Variants in TRAPPC9 observed in about 807,000 individuals in gnomAD.
The protein encoded by TRAPPC9 is IKK2 binding protein.
A neutral mutation model predicts 124.0 loss-of-function variants in TRAPPC9; 83 were observed. The observed-to-expected ratio is 0.67, with a 90% CI of 0.56 to 0.80. The LOEUF (loss-of-function observed/expected upper bound fraction) is 0.80, where lower values mean the gene tolerates loss of function less well. Ranked by LOEUF, TRAPPC9 falls within the 30% of genes least tolerant of loss-of-function variation. TRAPPC9 has a pLI of 0.00. For synonymous variants in TRAPPC9, 638 were observed against 617.5 expected (o/e 1.03, Z -0.49); for missense variants, 1,302 against 1,508.3 (o/e 0.86, Z 2.27).
intron 18 of TRAPPC9, among the ~76,000 whole-genome samples, chr8:139,990,484 T>A (rs1329039644): frequency 6.6e-6 from 1 of 152,126 alleles, no homozygotes; most frequent in African/African-American, 2.4e-5. Context: ...CACACACAAG[T>A]AGGACTTTGT....
chr8:139,806,861 C>A (rs567239247), intron 21 of TRAPPC9, among the ~76,000 whole-genome samples: 1 of 152,352 alleles, frequency 6.6e-6, no homozygotes, highest in South Asian at 2.1e-4. Flanking sequence ...CTGGTGTGCA[C>A]ACGCACGGGG....
intron 17 of TRAPPC9, among the ~76,000 whole-genome samples, chr8:140,124,493 T>G (rs2061045621): frequency 6.6e-6 from 1 of 152,218 alleles, no homozygotes; most frequent in Non-Finnish European, 1.5e-5. Context: ...AAAGTCCCTT[T>G]GGCTACGTCA....
intron 16 of TRAPPC9, among the ~76,000 whole-genome samples, chr8:140,244,800 CTTTTTTTTTTTTTTTT>C (rs1162364645): frequency 4.4e-5 from 4 of 90,182 alleles, no homozygotes; most frequent in Admixed American, 1.4e-4. Flanking sequence ...TTTCCAATTC[CTTTTTTTTTTTTTTTT>C]TTTTTTTTTG....
chr8:140,163,579 C>T (rs574117671), intron 17 of TRAPPC9, among the ~76,000 whole-genome samples: 19 of 152,304 alleles, frequency 1.2e-4, no homozygotes, highest in African/African-American at 4.3e-4. Context: ...GGCAGATGGA[C>T]CAGACAGGGG....
chr8:140,258,480 T>C (rs2064323480), intron 15 of TRAPPC9, among the ~76,000 whole-genome samples: 1 of 152,208 alleles, frequency 6.6e-6, no homozygotes, highest in Non-Finnish European at 1.5e-5. Context: ...AATTAAACTT[T>C]ACAAATTTTC....
intron 19 of TRAPPC9, among the ~76,000 whole-genome samples, chr8:139,921,483 G>A (rs1375218138): frequency 1.3e-5 from 2 of 152,170 alleles, no homozygotes; most frequent in Non-Finnish European, 2.9e-5. Context: ...TAAGTGCTAC[G>A]ATACAGAACT....
At chr8:139,739,617 G>T (rs1025659082) in intron 21 of TRAPPC9, among the ~76,000 whole-genome samples, 13 of 152,146 alleles carry the variant, frequency 8.5e-5, no homozygotes, top group Admixed American at 6.5e-5. Flanking sequence ...CCATCCTGAC[G>T]GTCAGGACTT....
chr8:139,996,919 G>C (rs988680293), intron 18 of TRAPPC9, among the ~76,000 whole-genome samples: 16 of 152,024 alleles, frequency 1.1e-4, no homozygotes, highest in African/African-American at 3.6e-4. Context: ...ATTTTTTATG[G>C]TATTTTTAGT....
chr8:139,753,054 A>C, intron 21 of TRAPPC9, among the ~76,000 whole-genome samples: 1 of 135,076 alleles, frequency 7.4e-6, no homozygotes, highest in African/African-American at 3.0e-5. Context: ...CTACCCATCC[A>C]TCCACCCACC....
intron 9 of TRAPPC9, among the ~76,000 whole-genome samples, chr8:140,358,343 T>C (rs2067817706): frequency 6.6e-6 from 1 of 152,182 alleles, no homozygotes; most frequent in Admixed American, 6.5e-5. Flanking sequence ...GTAGCTGGGA[T>C]TACAGGGGCC....
At chr8:140,413,127 G>A (rs549744190) in intron 5 of TRAPPC9, among the ~76,000 whole-genome samples, 1 of 152,244 alleles carries the variant, frequency 6.6e-6, no homozygotes, top group Non-Finnish European at 1.5e-5. Context: ...GGTGGCTCAC[G>A]TCTGTAATCC....
chr8:140,190,513 GAGCAGTGGAATTACA>G (rs955862779), intron 17 of TRAPPC9, among the ~76,000 whole-genome samples: 1 of 152,136 alleles, frequency 6.6e-6, no homozygotes, highest in Non-Finnish European at 1.5e-5. Flanking sequence ...AAGGGATGAA[GAGCAGTGGAATTACA>G]AGCAGGAATT....
intron 17 of TRAPPC9, among the ~76,000 whole-genome samples, chr8:140,171,708 C>T (rs979567374): frequency 3.9e-5 from 6 of 152,140 alleles, no homozygotes; most frequent in Admixed American, 6.5e-5. Context: ...AAAGGGACCC[C>T]GTGGACCCGT....
At chr8:140,154,503 C>T (rs1363724811) in intron 17 of TRAPPC9, among the ~76,000 whole-genome samples, 1 of 152,160 alleles carries the variant, frequency 6.6e-6, no homozygotes, top group East Asian at 1.9e-4. Context: ...TACCCAACCC[C>T]ACTGTGGCCT....
intron 18 of TRAPPC9, among the ~76,000 whole-genome samples, chr8:140,011,670 A>ATTTT (rs56884853): frequency 8.0e-5 from 5 of 62,630 alleles, no homozygotes; most frequent in African/African-American, 1.2e-4. Context: ...CACCCAGCTA[A>ATTTT]TTTTTTTTTT....
chr8:140,117,335 AAAC>A (rs2060907396), intron 17 of TRAPPC9, among the ~76,000 whole-genome samples: 1 of 152,204 alleles, frequency 6.6e-6, no homozygotes, highest in East Asian at 1.9e-4. Flanking sequence ...ATTTATAAGG[AAAC>A]AACAATAAGG....
At chr8:139,765,035 C>G (rs1420045688) in intron 21 of TRAPPC9, among the ~76,000 whole-genome samples, 1 of 152,206 alleles carries the variant, frequency 6.6e-6, no homozygotes, top group Non-Finnish European at 1.5e-5. Context: ...AAAGGAGACA[C>G]TCCGTCACCT....
At chr8:139,950,374 C>A (rs992042008) in intron 19 of TRAPPC9, among the ~76,000 whole-genome samples, 3 of 152,240 alleles carry the variant, frequency 2.0e-5, no homozygotes, top group Admixed American at 6.5e-5. Flanking sequence ...TGTCAATTAA[C>A]AATGGTTCTC....
intron 5 of TRAPPC9, among the ~76,000 whole-genome samples, chr8:140,418,553 T>A (rs2070027726): frequency 6.6e-6 from 1 of 152,114 alleles, no homozygotes; most frequent in Non-Finnish European, 1.5e-5. Context: ...AAACCCTGTC[T>A]CTACTAAAAA....
Sources: gnomAD v4.1 joint callset for allele counts (sites outside exome capture counted in the v4.1 genomes callset) on GRCh38, gnomAD v4.1.1 for gene constraint, MANE v1.5 for transcripts, NCBI Gene and HGNC (gene_info 2026-07-23, HGNC 2026-07-21) for gene names.